The following ADGRB3 variants were observed in gnomAD, a reference collection of about 807,000 sequenced individuals.
ADGRB3 encodes the protein brain-specific angiogenesis inhibitor 3.
ADGRB3 carries 37 observed loss-of-function variants against 193.4 expected under a neutral mutation model. That is an observed-to-expected ratio of 0.19 (90% CI 0.15 to 0.25). ADGRB3 has a LOEUF of 0.25. Among genes scored for constraint, ADGRB3 ranks in the 10% least tolerant of loss-of-function variants. The pLI is 1.00. For synonymous variants in ADGRB3, 690 were observed against 644.2 expected (o/e 1.07, Z -1.08); for missense variants, 1,637 against 1,852.9 (o/e 0.88, Z 2.14).
intron 3 of ADGRB3, among the ~76,000 whole-genome samples, chr6:68,859,469 A>T (rs1458583041): frequency 6.6e-6 from 1 of 152,214 alleles, no homozygotes; most frequent in African/African-American, 2.4e-5. Context: ...ACTGCTAGTA[A>T]ACATGTACCT....
chr6:68,888,895 T>C (rs1476391966), intron 3 of ADGRB3, among the ~76,000 whole-genome samples: 2 of 152,234 alleles, frequency 1.3e-5, no homozygotes, highest in East Asian at 3.8e-4. Context: ...TAGAAACTTA[T>C]GTCACTTCTT....
At chr6:69,236,368 A>G (rs1462926072) in intron 19 of ADGRB3, among the ~76,000 whole-genome samples, 1 of 151,972 alleles carries the variant, frequency 6.6e-6, no homozygotes, top group Non-Finnish European at 1.5e-5. Flanking sequence ...AAGTGGGACA[A>G]TCTGATAAAA....
chr6:69,275,898 A>G (rs1455443501), intron 20 of ADGRB3, among the ~76,000 whole-genome samples: 3 of 152,142 alleles, frequency 2.0e-5, no homozygotes, highest in African/African-American at 7.2e-5. Context: ...AATCCATCAG[A>G]TATTTGTTTT....
intron 11 of ADGRB3, among the ~76,000 whole-genome samples, chr6:69,004,788 C>T (rs556618927): frequency 6.6e-6 from 1 of 152,254 alleles, no homozygotes; most frequent in South Asian, 2.1e-4. Context: ...AGGACTTTAA[C>T]ATAACGATTT....
rs117495233 is a variant in ADGRB3 at position 68,699,860 on chromosome 6, G to C, written c.757+60428G>C. Among the ~76,000 whole-genome samples the C allele has an allele frequency of 5.3e-4, 81 of 152,110 alleles. 1 individual carries two copies. In the East Asian group the frequency reaches 0.012, roughly 22 times the overall value. ...GAAGACAACCCTGCCTTTAGAGGGA[G>C]GTGTAGTAAGGGATTCAAGCAAAGG... is the stretch of plus-strand genomic sequence containing the variant. On this transcript the variant is annotated intron_variant, in intron 3 of 31. Coordinates refer to ENST00000370598, the MANE Select transcript of ADGRB3 (RefSeq NM_001704.3).
chr6:68,661,452 CATATATATGTGTGTATAT>C (rs1768642278), intron 3 of ADGRB3, among the ~76,000 whole-genome samples: 1 of 81,778 alleles, frequency 1.2e-5, no homozygotes, highest in Non-Finnish European at 2.6e-5. Context: ...TGTGTGTATA[CATATATATGTGTGTATAT>C]ATATGTGTAT....
intron 4 of ADGRB3, among the ~76,000 whole-genome samples, chr6:68,932,253 A>T (rs1767358765): frequency 6.6e-6 from 1 of 152,178 alleles, no homozygotes; most frequent in Non-Finnish European, 1.5e-5. Context: ...TAGGAAGTGA[A>T]ATGGAAAATG....
At chr6:69,106,702 C>T (rs950322204) in intron 17 of ADGRB3, among the ~76,000 whole-genome samples, 2 of 152,196 alleles carry the variant, frequency 1.3e-5, no homozygotes, top group African/African-American at 4.8e-5. Flanking sequence ...GTGTAAAGGA[C>T]TGAGCTGCTG....
At chr6:68,899,365 T>C (rs1471483640) in intron 3 of ADGRB3, among the ~76,000 whole-genome samples, 2 of 151,934 alleles carry the variant, frequency 1.3e-5, no homozygotes, top group Non-Finnish European at 1.5e-5. Flanking sequence ...TATGTATACA[T>C]GTGCCATGCT....
chr6:68,819,872 T>A (rs1018445213), intron 3 of ADGRB3, among the ~76,000 whole-genome samples: 3 of 152,102 alleles, frequency 2.0e-5, no homozygotes, highest in African/African-American at 7.2e-5. Context: ...ATGATTTTTT[T>A]AAAAGTTACA....
At chr6:68,685,633 C>G (rs1764968669) in intron 3 of ADGRB3, among the ~76,000 whole-genome samples, 1 of 151,860 alleles carries the variant, frequency 6.6e-6, no homozygotes, top group South Asian at 2.1e-4. Flanking sequence ...TAAAAATATA[C>G]TTTGGGAGGC....
chr6:69,384,068 T>G (rs1373374506), intron 31 of ADGRB3, among the ~76,000 whole-genome samples: 2 of 152,032 alleles, frequency 1.3e-5, no homozygotes, highest in Admixed American at 6.6e-5. Context: ...CTTTATGTTT[T>G]TCTTTTATTC....
At chr6:68,927,168 T>C in intron 3 of ADGRB3, among the ~76,000 whole-genome samples, 1 of 152,316 alleles carries the variant, frequency 6.6e-6, no homozygotes, top group Admixed American at 6.5e-5. Context: ...CATGTGTACA[T>C]ACATAATGTT....
At chr6:68,648,484 GA>G (rs1419304458) in intron 3 of ADGRB3, among the ~76,000 whole-genome samples, 2 of 131,146 alleles carry the variant, frequency 1.5e-5, no homozygotes, top group East Asian at 4.2e-4. Context: ...TTTTTTTTTC[GA>G]AAGAGAGCAA....
At chr6:68,867,409 G>T (rs908897768) in intron 3 of ADGRB3, among the ~76,000 whole-genome samples, 4 of 152,330 alleles carry the variant, frequency 2.6e-5, no homozygotes, top group African/African-American at 9.6e-5. Context: ...TTCAGAGGAT[G>T]TATGGAAACA....
intron 3 of ADGRB3, among the ~76,000 whole-genome samples, chr6:68,884,141 T>C (rs182593765): frequency 1.1e-3 from 166 of 152,338 alleles, no homozygotes; most frequent in Non-Finnish European, 1.8e-3. Flanking sequence ...GTTCATTTAT[T>C]TTTTAAATCG....
intron 3 of ADGRB3, among the ~76,000 whole-genome samples, chr6:68,786,388 C>A (rs923846898): frequency 2.6e-5 from 4 of 152,112 alleles, no homozygotes; most frequent in African/African-American, 9.7e-5. Flanking sequence ...CCAGTTTTCC[C>A]AGCACCATTT....
intron 24 of ADGRB3, among the ~76,000 whole-genome samples, chr6:69,335,407 C>A (rs1238939658): frequency 6.6e-6 from 1 of 152,032 alleles, no homozygotes; most frequent in African/African-American, 2.4e-5. Flanking sequence ...AAGGCCACTC[C>A]TAGAGAAACA....
intron 3 of ADGRB3, among the ~76,000 whole-genome samples, chr6:68,669,792 A>G (rs1768900864): frequency 6.6e-6 from 1 of 151,898 alleles, no homozygotes; most frequent in South Asian, 2.1e-4. Context: ...TTTTGGGTAT[A>G]TACCCAACAG....
Sources: allele counts gnomAD v4.1 joint callset (sites outside exome capture counted in the v4.1 genomes callset), GRCh38; gene constraint gnomAD v4.1.1; transcripts MANE v1.5; gene names NCBI Gene and HGNC (gene_info 2026-07-23, HGNC 2026-07-21).